The following DDX6 variants were observed in gnomAD, a reference collection of about 807,000 sequenced individuals.
DDX6 encodes the protein probable ATP-dependent RNA helicase DDX6.
In DDX6, 7 loss-of-function variants were observed where a neutral mutation model predicts 60.6. That is an observed-to-expected ratio of 0.12 (90% CI 0.07 to 0.22). The LOEUF is 0.22. Among genes scored for constraint, DDX6 ranks in the 10% least tolerant of loss-of-function variants. The probability of loss-of-function intolerance (pLI) is 1.00; values close to 1 mark genes in which losing one functional copy is unlikely to be tolerated. For synonymous variants in DDX6, 207 were observed against 201.0 expected (o/e 1.03, Z -0.25); for missense variants, 270 against 589.9 (o/e 0.46, Z 5.62).
At chr11:118,791,230 T>C (rs891737498), upstream of DDX6, 1 of 152,102 alleles carries the variant, frequency 6.6e-6, no homozygotes, top group Non-Finnish European at 1.5e-5. Flanking sequence ...CCTCTCCGCA[T>C]GGCGGCGACC....
intron 4 of DDX6, among the ~76,000 whole-genome samples, chr11:118,770,897 AAG>A (rs558261579): frequency 2.7e-5 from 4 of 150,756 alleles, no homozygotes; most frequent in East Asian, 1.9e-4. Context: ...AAAAAAAAAA[AAG>A]AGAGAGAAAA....
chr11:118,782,531 C>T (rs1861933750), intron 2 of DDX6, among the ~76,000 whole-genome samples: 1 of 152,114 alleles, frequency 6.6e-6, no homozygotes, highest in African/African-American at 2.4e-5. Flanking sequence ...CTCAAATGCT[C>T]CATTCACAGA....
intron 11 of DDX6, among the ~76,000 whole-genome samples, chr11:118,755,842 CTG>C (rs1458197124): frequency 1.3e-5 from 2 of 152,132 alleles, no homozygotes; most frequent in African/African-American, 4.8e-5. Flanking sequence ...GGTGAAATCC[CTG>C]TCTCTACCAA....
At chr11:118,776,978 A>G (rs782178290) in intron 4 of DDX6, among the ~76,000 whole-genome samples, 26 of 152,032 alleles carry the variant, frequency 1.7e-4, no homozygotes, top group Non-Finnish European at 3.5e-4. Flanking sequence ...TTGATACTTT[A>G]TCCAGCCAAA....
intron 4 of DDX6, among the ~76,000 whole-genome samples, chr11:118,770,935 C>A (rs1861515849): frequency 6.6e-6 from 1 of 151,608 alleles, no homozygotes; most frequent in African/African-American, 2.4e-5. Context: ...TTGTCTTGTT[C>A]TTACAGCCAG....
At chr11:118,765,435 TAAG>T in intron 5 of DDX6, 80 bp from the exon 6 acceptor site, 1 of 1,449,802 alleles carries the variant, frequency 6.9e-7, no homozygotes, top group Non-Finnish European at 9.6e-7. Flanking sequence ...TTACAAAATT[TAAG>T]AAGCTATAGA....
rs542079007 is a variant in DDX6, at chr11:118,749,478, G to A, written c.*2627C>T. ...ACTGGACAGCTGCCTCTACAAGACC[G>A]TGTCCAGTAGTGGTGTCCCAGATAG... On this transcript the variant is annotated 3_prime_UTR_variant, in exon 14 of 14. Coordinates refer to ENST00000534980, the MANE Select transcript of DDX6 (RefSeq NM_004397.6). 10 of 150,478 alleles carry A rather than the reference G, an allele frequency of 6.6e-5. No homozygotes were observed. Among genetic ancestry groups the A allele is most frequent in the Admixed American group, 4.0e-4 (6 of 15,066 alleles). 9.3% of individuals were successfully genotyped at this position (150,478 alleles called of 1,614,324 possible).
intron 1 of DDX6, chr11:118,790,182 G>A (rs773946134): frequency 1.3e-5 from 2 of 152,102 alleles, no homozygotes; most frequent in Non-Finnish European, 2.9e-5. Flanking sequence ...GAGAGATACG[G>A]GAAAGAGTCA....
chr11:118,757,806 G>C (rs1565561856), intron 9 of DDX6, among the ~76,000 whole-genome samples: 1 of 152,102 alleles, frequency 6.6e-6, no homozygotes, highest in Non-Finnish European at 1.5e-5. Flanking sequence ...GGTCAGGCTG[G>C]TCTTGAACTC....
rs1860753552 is a variant in DDX6, at chr11:118,751,130, A to C, written c.*975T>G. ...TATTTACAAAGTTATACAAGTATAC[A>C]CACCCAATTTTCTATGGGACACGCT... is the stretch of plus-strand genomic sequence containing the variant. On this transcript the variant is annotated 3_prime_UTR_variant, in exon 14 of 14. Transcript: ENST00000534980. 1 of 151,198 alleles carries C rather than the reference A, an allele frequency of 6.6e-6. No individual in the cohort carries two copies. 9.4% of individuals were successfully genotyped at this position (151,198 alleles called of 1,614,324 possible). A position where few individuals can be genotyped will look rare whatever the true frequency, so the allele number is the denominator to read the frequency against.
chr11:118,782,092 A>G (rs1555164804), intron 2 of DDX6, among the ~76,000 whole-genome samples: 2 of 152,214 alleles, frequency 1.3e-5, no homozygotes, highest in African/African-American at 4.8e-5. Flanking sequence ...ATGTGCCTGT[A>G]ATCCCAGCTA....
At chr11:118,763,777 T>C (rs1469647476) in intron 6 of DDX6, among the ~76,000 whole-genome samples, 1 of 144,622 alleles carries the variant, frequency 6.9e-6, no homozygotes, top group Non-Finnish European at 1.5e-5. Context: ...GACGTTGCAG[T>C]GAGCCGAGAT....
intron 2 of DDX6, among the ~76,000 whole-genome samples, chr11:118,785,608 G>GC (rs1321506478): frequency 6.6e-6 from 1 of 151,822 alleles, no homozygotes; most frequent in Non-Finnish European, 1.5e-5. Flanking sequence ...AGAAGGCTGG[G>GC]CAAGTCTTTA....
rs1283559863 is a variant in DDX6, at chr11:118,748,989, T to C, written c.*3116A>G. The C allele has an allele frequency of 1.3e-5, 2 of 152,086 alleles. No homozygotes were observed. Among genetic ancestry groups the C allele is most frequent in the Non-Finnish European group, 2.9e-5 (2 of 68,018 alleles). 9.4% of individuals were successfully genotyped at this position (152,086 alleles called of 1,614,324 possible). On this transcript the variant is annotated 3_prime_UTR_variant, in exon 14 of 14. Transcript: ENST00000534980. The stretch of plus-strand genomic sequence containing the variant: ...TGCTGCTGGGACCAACTTCAAACAA[T>C]TTAGAGGTATATTTAGGTTTCCCTC...
chr11:118,766,437 C>T (rs1204423788), intron 5 of DDX6, among the ~76,000 whole-genome samples: 4 of 151,818 alleles, frequency 2.6e-5, no homozygotes, highest in East Asian at 1.9e-4. Flanking sequence ...CTGTCTCCCC[C>T]GCCAAAAAAA....
chr11:118,780,149 A>G (rs1223740503), intron 3 of DDX6, among the ~76,000 whole-genome samples: 2 of 150,542 alleles, frequency 1.3e-5, no homozygotes, highest in African/African-American at 4.9e-5. Flanking sequence ...AAAGGAAAGA[A>G]AACTTCTCTG....
At chr11:118,756,191 T>C in intron 11 of DDX6, 69 bp downstream of exon 11, 1 of 1,265,998 alleles carries the variant, frequency 7.9e-7, no homozygotes, top group South Asian at 1.2e-5. Context: ...CACTATGTAA[T>C]ATGAACAGAG....
chr11:118,774,725 A>AT (rs1861643285), intron 4 of DDX6, among the ~76,000 whole-genome samples: 1 of 152,080 alleles, frequency 6.6e-6, no homozygotes, highest in East Asian at 1.9e-4. Flanking sequence ...CACCCAGCCA[A>AT]TTCTCCAAAT....
At chr11:118,757,639 G>A (rs1253753207) in intron 9 of DDX6, among the ~76,000 whole-genome samples, 2 of 151,650 alleles carry the variant, frequency 1.3e-5, no homozygotes, top group African/African-American at 4.8e-5. Flanking sequence ...TGTCCAGGCT[G>A]GAGTGCAATG....
Sources: allele counts gnomAD v4.1 joint callset (sites outside exome capture counted in the v4.1 genomes callset), GRCh38; gene constraint gnomAD v4.1.1; transcripts MANE v1.5; gene names NCBI Gene and HGNC (gene_info 2026-07-23, HGNC 2026-07-21).